Variants in PI4KB observed in about 807,000 individuals in gnomAD.
PI4KB encodes PtdIns 4-kinase beta.
A neutral mutation model predicts 81.4 loss-of-function variants in PI4KB; 23 were observed. The observed-to-expected ratio is 0.28, with a 90% confidence interval of 0.20 to 0.40. PI4KB has a LOEUF of 0.40. Ranked by LOEUF, PI4KB falls within the 10% of genes least tolerant of loss-of-function variation. The probability of loss-of-function intolerance (pLI) is 1.00; values close to 1 mark genes in which losing one functional copy is unlikely to be tolerated. For missense variants in PI4KB, 651 were observed against 1,036.6 expected (o/e 0.63, Z 5.11); for synonymous variants, 381 against 406.8 (o/e 0.94, Z 0.76).
chr1:151,301,818 C>T, intron 8 of PI4KB, 26 bp downstream of exon 8: 1 of 1,611,184 alleles, frequency 6.2e-7, no homozygotes, highest in East Asian at 2.2e-5. Context: ...AGCCACTGTG[C>T]CTGGCCTCTC....
At chr1:151,304,505 G>A (rs963637505) in intron 5 of PI4KB, among the ~76,000 whole-genome samples, 3 of 151,272 alleles carry the variant, frequency 2.0e-5, no homozygotes, top group African/African-American at 7.3e-5. Flanking sequence ...CACCATGCCT[G>A]GCTAATTTTT....
At chr1:151,304,656 TTTG>T (rs1299864054) in intron 5 of PI4KB, among the ~76,000 whole-genome samples, 1 of 148,270 alleles carries the variant, frequency 6.7e-6, no homozygotes, top group African/African-American at 2.5e-5. Context: ...TGGCTGTGTT[TTTG>T]TTTTGTTTTG....
intron 9 of PI4KB, 61 bp downstream of exon 9, chr1:151,298,747 C>T: frequency 6.5e-7 from 1 of 1,547,650 alleles, no homozygotes; most frequent in Non-Finnish European, 8.8e-7. Context: ...TTGAGAACTA[C>T]ACACGAAGGG....
intron 6 of PI4KB, 94 bp downstream of exon 6, chr1:151,303,447 C>T: frequency 1.2e-6 from 1 of 834,646 alleles, no homozygotes; most frequent in Admixed American, 1.7e-5. Context: ...CACAGGCCAA[C>T]AACAGATGAT....
chr1:151,299,436 C>T (rs1024188273), intron 8 of PI4KB, among the ~76,000 whole-genome samples: 66 of 152,174 alleles, frequency 4.3e-4, no homozygotes, highest in African/African-American at 1.5e-3. Context: ...AATCCCAGCA[C>T]TCTGGGAGAC....
chr1:151,318,117 T>C (rs996992590), intron 1 of PI4KB, among the ~76,000 whole-genome samples: 2 of 152,174 alleles, frequency 1.3e-5, no homozygotes, highest in African/African-American at 4.8e-5. Context: ...CCAGCCATCT[T>C]TATTTAATAT....
chr1:151,310,997 T>A (rs774494962), intron 2 of PI4KB, among the ~76,000 whole-genome samples: 2 of 152,190 alleles, frequency 1.3e-5, no homozygotes, highest in Non-Finnish European at 2.9e-5. Flanking sequence ...TGATATAAGT[T>A]GGGGAGTTAG....
At chr1:151,323,542 G>C (rs1439379111) in intron 1 of PI4KB, among the ~76,000 whole-genome samples, 1 of 151,882 alleles carries the variant, frequency 6.6e-6, no homozygotes, top group Non-Finnish European at 1.5e-5. Context: ...GGCCAACATG[G>C]TGAAACCCCA....
At chr1:151,308,022 G>A (rs1293817561) in intron 3 of PI4KB, among the ~76,000 whole-genome samples, 1 of 152,182 alleles carries the variant, frequency 6.6e-6, no homozygotes, top group Admixed American at 6.5e-5. Context: ...TCCCTTGAGG[G>A]TAAGGGAGGC....
chr1:151,308,391 T>C (rs1186707636), intron 3 of PI4KB, among the ~76,000 whole-genome samples: 1 of 152,188 alleles, frequency 6.6e-6, no homozygotes, highest in African/African-American at 2.4e-5. Flanking sequence ...CAGGCGTCAA[T>C]GCACATGCAG....
intron 9 of PI4KB, 116 bp downstream of exon 9, chr1:151,298,692 T>G: frequency 9.1e-7 from 1 of 1,101,696 alleles, no homozygotes; most frequent in Non-Finnish European, 1.3e-6. Flanking sequence ...TAAAATACAT[T>G]GTTTCATTTT....
intron 11 of PI4KB, chr1:151,293,498 G>C (rs1694501457): frequency 9.4e-7 from 1 of 1,067,352 alleles, no homozygotes; most frequent in Admixed American, 3.8e-5. Context: ...AGGAGGGGGA[G>C]ACTGGCAGTT....
At position 151,298,923 on chromosome 1, in the gene PI4KB, A is replaced by C; in HGVS notation, c.1900T>G (p.Phe634Val). Residue 634 changes from phenylalanine to valine, a missense_variant, in exon 9 of 12, where the codon TTC (phenylalanine) becomes GTC (valine). This residue lies in a region of PI4KB where 246 missense variants were observed against 430.1 expected (regional missense o/e 0.57). Transcript: ENST00000368873. The part of the protein sequence containing the change: ...KQSQLSLLDY[F>V]LQEHGSYTTE... Reference sequence around the variant, plus strand: ...GTGTAACTGCCGTGCTCCTGTAGGAAGTAATCGAGCAAGGAGAGCTGTGAC... The same window carrying C: ...GTGTAACTGCCGTGCTCCTGTAGGACGTAATCGAGCAAGGAGAGCTGTGAC... 6.2e-7 allele frequency: 1 copy of C among 1,614,194 alleles called. No homozygotes were observed. The highest frequency in any genetic ancestry group is 1.6e-4 in the Middle Eastern group (1 of 6,062).
At position 151,294,382 on chromosome 1, in the gene PI4KB, G is replaced by A. The variant is rs201711998; in HGVS notation, c.2148+27C>T. 2.5e-5 allele frequency: 41 copies of A among 1,611,468 alleles called. No homozygotes were observed. In the African/African-American group the frequency reaches 3.5e-4, roughly 14 times the overall value. Reference sequence around the variant, plus strand: ...ACAGAGAAAGAATACAATGACCCCCGAGAGGCACCTCTCCTTCTTGACTCA... The same window carrying A: ...ACAGAGAAAGAATACAATGACCCCCAAGAGGCACCTCTCCTTCTTGACTCA... On this transcript the variant is annotated intron_variant, in intron 10 of 11. Coordinates refer to ENST00000368873, the MANE Select transcript of PI4KB (RefSeq NM_001369623.2).
intron 4 of PI4KB, 50 bp from the exon 5 acceptor site, chr1:151,306,413 C>T (rs756681439): frequency 3.4e-6 from 4 of 1,179,792 alleles, no homozygotes; most frequent in South Asian, 1.2e-5. Context: ...CCACTAACCC[C>T]CAAATCTCAA....
At chr1:151,314,513 A>G (rs1297643535) in intron 2 of PI4KB, among the ~76,000 whole-genome samples, 4 of 152,164 alleles carry the variant, frequency 2.6e-5, no homozygotes, top group African/African-American at 9.7e-5. Context: ...TTATACCTCC[A>G]ACTGCTGCTG....
intron 6 of PI4KB, chr1:151,303,334 A>C: frequency 1.9e-6 from 1 of 533,486 alleles, no homozygotes; most frequent in Non-Finnish European, 3.4e-6. Flanking sequence ...GTCTTTTTAA[A>C]ATTTAATTTC....
intron 9 of PI4KB, 70 bp from the exon 10 acceptor site, chr1:151,294,611 A>C: frequency 6.7e-7 from 1 of 1,484,562 alleles, no homozygotes; most frequent in African/African-American, 1.4e-5. Context: ...CTTAAGCAGC[A>C]ATACACTGGC....
At chr1:151,291,800 A>T (rs921636809), downstream of PI4KB, 4 of 152,578 alleles carry the variant, frequency 2.6e-5, no homozygotes, top group African/African-American at 9.7e-5. Context: ...AGGAGGGGAC[A>T]GGCTCTCAGG....
Sources: gnomAD v4.1 joint callset for allele counts (sites outside exome capture counted in the v4.1 genomes callset) on GRCh38, gnomAD v4.1.1 for gene constraint, gnomAD v4.1.1 regional missense constraint, MANE v1.5 for transcripts, NCBI Gene and HGNC (gene_info 2026-07-23, HGNC 2026-07-21) for gene names.